Variants in DGCR2 observed in about 807,000 individuals in gnomAD.
The protein encoded by DGCR2 is DiGeorge syndrome critical region gene 2.
In DGCR2, 24 loss-of-function variants were observed where a neutral mutation model predicts 51.6. That is an observed-to-expected ratio of 0.47 (90% CI 0.34 to 0.65). DGCR2 has a LOEUF of 0.65. Ranked by LOEUF, DGCR2 falls within the 30% of genes least tolerant of loss-of-function variation. The pLI, the probability that DGCR2 is intolerant of heterozygous loss-of-function variation, is 0.01. For missense variants in DGCR2, 765 were observed against 772.1 expected (o/e 0.99, Z 0.11); for synonymous variants, 340 against 315.4 (o/e 1.08, Z -0.82).
At chr22:19,095,676 A>C (rs2083131919) in intron 1 of DGCR2, among the ~76,000 whole-genome samples, 2 of 151,426 alleles carry the variant, frequency 1.3e-5, no homozygotes, top group South Asian at 2.1e-4. Context: ...AAAAAAAAAA[A>C]ACAACTCAAA....
At chr22:19,089,333 AG>A (rs1305516977) in intron 2 of DGCR2, 34 bp downstream of exon 2, 1 of 1,544,204 alleles carries the variant, frequency 6.5e-7, no homozygotes, top group Non-Finnish European at 8.8e-7. Context: ...CAAAGAGACA[AG>A]GTGGTGTGTA....
At chr22:19,089,323 C>T (rs2083052022) in intron 2 of DGCR2, 45 bp downstream of exon 2, 16 of 1,521,016 alleles carry the variant, frequency 1.1e-5, no homozygotes, top group Non-Finnish European at 1.4e-5. Flanking sequence ...CCAGCTACAA[C>T]AAAGAGACAA....
chr22:19,056,342 G>C, intron 6 of DGCR2: 1 of 243,030 alleles, frequency 4.1e-6, no homozygotes, highest in Non-Finnish European at 8.1e-6. Flanking sequence ...GAGGACCACC[G>C]TCAACAAGAA....
chr22:19,057,120 G>A lies in DGCR2; in HGVS notation c.668C>T (p.Ser223Leu), dbSNP rs552699906. 331 of 1,608,576 alleles carry A rather than the reference G, an allele frequency of 2.1e-4. 3 individuals are homozygous for A. The South Asian group carries it at 2.5e-3, about 12-fold the overall frequency. The part of the protein sequence containing the change: ...VFLPPDPIFA[S>L]AMSENDNVFC... ...CACGTTGTCGTTCTCAGACATGGCC[G>A]AGGCAAAGATGGGGTCTGGGGGCAG... Residue 223 changes from serine to leucine, a missense_variant, in exon 6 of 10, where the codon TCG (serine) becomes TTG (leucine). Around this residue, in one of 3 missense-constraint regions of DGCR2, gnomAD observed 370 missense variants for 325.5 expected, o/e 1.14. Coordinates refer to ENST00000263196, the MANE Select transcript of DGCR2 (RefSeq NM_005137.3). This position sits in a 1 kb window ranked among gnomAD's most constrained non-coding sequence, Gnocchi z 5.1.
chr22:19,072,616 G>A (rs1162012858), intron 2 of DGCR2, among the ~76,000 whole-genome samples: 1 of 152,112 alleles, frequency 6.6e-6, no homozygotes, highest in Non-Finnish European at 1.5e-5. Flanking sequence ...CCTCACGCCT[G>A]TAATCCCAGC....
At position 19,063,674 on chromosome 22, in the gene DGCR2, C is replaced by T. The variant is rs747610901; in HGVS notation, c.549-396G>A. Among the ~76,000 whole-genome samples the T allele has an allele frequency of 5.3e-5, 8 of 152,016 alleles. 1 individual carries two copies. Among genetic ancestry groups the T allele is most frequent in the Non-Finnish European group, 1.2e-4 (8 of 68,006 alleles). On this transcript the variant is annotated intron_variant, in intron 4 of 9. Transcript: ENST00000263196. ...ACAACACTGAGCTTCTAACATGAGA[C>T]ACTCATGTTAGAATGCATTAAAATT...
intron 2 of DGCR2, among the ~76,000 whole-genome samples, chr22:19,087,661 T>C (rs1006393320): frequency 7.4e-5 from 11 of 149,610 alleles, no homozygotes; most frequent in South Asian, 4.2e-4. Flanking sequence ...TTATAAGGCA[T>C]GAGCCACTGC....
At chr22:19,062,710 T>C (rs1352778801) in intron 5 of DGCR2, among the ~76,000 whole-genome samples, 2 of 151,756 alleles carry the variant, frequency 1.3e-5, no homozygotes, top group Non-Finnish European at 2.9e-5. Flanking sequence ...CCATGTTTCC[T>C]TTACGTCGTC....
chr22:19,084,377 G>C (rs1168516228), intron 2 of DGCR2, among the ~76,000 whole-genome samples: 2 of 149,862 alleles, frequency 1.3e-5, no homozygotes, highest in Non-Finnish European at 3.0e-5. Flanking sequence ...CCACGACCCC[G>C]TCTGGGAGGT....
Position 19,057,014 on chromosome 22 carries a change from G to A in DGCR2, c.774C>T (p.Tyr258=), listed in dbSNP as rs146689556. 26 of 1,592,228 alleles carry A rather than the reference G, an allele frequency of 1.6e-5. No individual in the cohort carries two copies. Among genetic ancestry groups the A allele is most frequent in the South Asian group, 1.4e-4 (12 of 87,450 alleles). Residue 258 remains tyrosine (Y), a synonymous_variant, in exon 6 of 10, where the codon TAC becomes TAT. Coordinates refer to ENST00000263196, the MANE Select transcript of DGCR2 (RefSeq NM_005137.3). The surrounding 1 kb of genome is among the most constrained non-coding windows in gnomAD (Gnocchi z 5.1). ...DLHSWHAESC[Y]EKSSFLCKRS... is the part of the protein sequence containing the mutation. ...TTTTACACAGAAATGAAGACTTCTC[G>A]TAGCAGCTCTCGGCGTGCCAGCTGT...
At chr22:19,075,724 C>A (rs1349862589) in intron 2 of DGCR2, among the ~76,000 whole-genome samples, 1 of 152,204 alleles carries the variant, frequency 6.6e-6, no homozygotes. Context: ...TGAGCATATC[C>A]TCAAAGTCCA....
intron 1 of DGCR2, among the ~76,000 whole-genome samples, chr22:19,119,233 T>A (rs1004829978): frequency 1.2e-4 from 19 of 152,254 alleles, no homozygotes; most frequent in African/African-American, 4.1e-4. Context: ...CAGACCCCAG[T>A]CACGGGTGCA....
chr22:19,053,625 C>T (rs1387466695), intron 6 of DGCR2, among the ~76,000 whole-genome samples: 2 of 152,198 alleles, frequency 1.3e-5, no homozygotes, highest in Non-Finnish European at 2.9e-5. Flanking sequence ...CTACTGAACT[C>T]AGTCTCTATT....
intron 6 of DGCR2, among the ~76,000 whole-genome samples, chr22:19,051,302 G>T (rs937864284): frequency 2.6e-5 from 4 of 151,184 alleles, no homozygotes; most frequent in Admixed American, 1.3e-4. Context: ...GGAAAAAACA[G>T]CAACAACAAA....
At chr22:19,084,843 C>A (rs1436189877) in intron 2 of DGCR2, among the ~76,000 whole-genome samples, 1 of 144,204 alleles carries the variant, frequency 6.9e-6, no homozygotes, top group African/African-American at 2.6e-5. Context: ...CCGCCCCGTC[C>A]GGGAGGTGGG....
chr22:19,112,125 T>C (rs2083322308), intron 1 of DGCR2, among the ~76,000 whole-genome samples: 1 of 151,722 alleles, frequency 6.6e-6, no homozygotes, highest in African/African-American at 2.4e-5. Context: ...ATACAAAAAT[T>C]ATCTGGGCGT....
chr22:19,048,278 G>T, intron 7 of DGCR2, 162 bp downstream of exon 7: 2 of 721,452 alleles, frequency 2.8e-6, no homozygotes, highest in Non-Finnish European at 4.7e-6. Flanking sequence ...TAGAGTAGTG[G>T]CATCAAAGTC....
intron 2 of DGCR2, among the ~76,000 whole-genome samples, chr22:19,086,709 C>A (rs544363187): frequency 1.9e-4 from 29 of 152,202 alleles, no homozygotes; most frequent in African/African-American, 7.0e-4. Flanking sequence ...GGCCACCACT[C>A]GTAACTTTCG....
chr22:19,075,585 C>T (rs1000843532), intron 2 of DGCR2, among the ~76,000 whole-genome samples: 4 of 152,212 alleles, frequency 2.6e-5, no homozygotes, highest in Non-Finnish European at 5.9e-5. Context: ...CATTACCTCC[C>T]AATTTTTCTC....
Sources: gnomAD v4.1 joint callset for allele counts (sites outside exome capture counted in the v4.1 genomes callset) on GRCh38, gnomAD v4.1.1 for gene constraint, gnomAD v4.1.1 regional missense constraint, Gnocchi (gnomAD v3.1) non-coding constraint, MANE v1.5 for transcripts, NCBI Gene and HGNC (gene_info 2026-07-23, HGNC 2026-07-21) for gene names.